CAMK1D: variants seen among roughly 807,000 people sequenced by gnomAD.
CAMK1D encodes calcium/calmodulin-dependent protein kinase type 1D.
CAMK1D carries 9 observed loss-of-function variants against 47.7 expected under a neutral mutation model. The ratio of observed to expected loss-of-function variants is 0.19; its 90% CI spans 0.11 to 0.33. The LOEUF (loss-of-function observed/expected upper bound fraction) is 0.33. CAMK1D is among the 10% of genes least tolerant of loss of function. The pLI, the probability that CAMK1D is intolerant of heterozygous loss-of-function variation, is 1.00. For missense variants in CAMK1D, 291 were observed against 488.7 expected, an observed-to-expected ratio of 0.60 and a Z score of 3.81; for synonymous variants, 184 against 184.9, an observed-to-expected ratio of 0.99 and a Z score of 0.04.
rs1181845465 is a variant in CAMK1D at position 12,717,891 on chromosome 10, C to CAA, written c.300-43042_300-43041dup. On this transcript the variant is annotated intron_variant, in intron 3 of 10. Transcript: ENST00000619168. ...CCTGGGCAACAGAGTGAGACCCTGTCAAAAAAAAAAAAAAAAGAAAAAAAA... is the reference window on the plus strand; with the variant it reads ...CCTGGGCAACAGAGTGAGACCCTGTCAAAAAAAAAAAAAAAAAAGAAAAAAAA... Among the ~76,000 whole-genome samples, 97 of 52,830 alleles carry CAA rather than the reference C, an allele frequency of 1.8e-3. 1 individual carries two copies. The highest frequency in any genetic ancestry group is 5.2e-3 in the African/African-American group (74 of 14,268). The allele number at this position is 52,830 out of a possible 152,430, so 34.7% of individuals were successfully genotyped here. A position where few individuals can be genotyped will look rare whatever the true frequency, so the allele number is the denominator to read the frequency against.
chr10:12,725,785 C>G (rs1834598467), intron 3 of CAMK1D, among the ~76,000 whole-genome samples: 1 of 152,126 alleles, frequency 6.6e-6, no homozygotes, highest in Admixed American at 6.6e-5. Context: ...GAGCTGGAGT[C>G]TCACTCTGTT....
chr10:12,499,265 G>T (rs901004103), intron 1 of CAMK1D, among the ~76,000 whole-genome samples: 1 of 152,034 alleles, frequency 6.6e-6, no homozygotes, highest in African/African-American at 2.4e-5. Flanking sequence ...AGGTCACTTA[G>T]TAACCTTAGT....
At chr10:12,546,243 T>TA (rs1018638488) in intron 1 of CAMK1D, among the ~76,000 whole-genome samples, 14 of 151,600 alleles carry the variant, frequency 9.2e-5, no homozygotes, top group African/African-American at 3.4e-4. Context: ...GAGTGGTGGA[T>TA]ATATTGCAGA....
intron 3 of CAMK1D, among the ~76,000 whole-genome samples, chr10:12,681,730 C>A (rs1832446921): frequency 6.6e-6 from 1 of 152,184 alleles, no homozygotes; most frequent in Non-Finnish European, 1.5e-5. Flanking sequence ...TATTTGTCAA[C>A]AAATACCCCA....
At chr10:12,389,219 C>T (rs937731660) in intron 1 of CAMK1D, among the ~76,000 whole-genome samples, 14 of 152,136 alleles carry the variant, frequency 9.2e-5, no homozygotes, top group African/African-American at 3.1e-4. Flanking sequence ...ACTGCTTAAA[C>T]TCCCTGCAGA....
At chr10:12,784,841 G>A (rs1837655287) in intron 5 of CAMK1D, among the ~76,000 whole-genome samples, 1 of 152,184 alleles carries the variant, frequency 6.6e-6, no homozygotes, top group Non-Finnish European at 1.5e-5. Context: ...GTGGCGACTA[G>A]GTTGGGTTCA....
intron 1 of CAMK1D, among the ~76,000 whole-genome samples, chr10:12,484,828 G>T (rs894583677): frequency 6.6e-6 from 1 of 151,984 alleles, no homozygotes; most frequent in African/African-American, 2.4e-5. Flanking sequence ...GTGACTCTGG[G>T]GGGGAGGGGG....
chr10:12,498,678 A>G (rs909262206), intron 1 of CAMK1D, among the ~76,000 whole-genome samples: 3 of 152,126 alleles, frequency 2.0e-5, no homozygotes, highest in Non-Finnish European at 2.9e-5. Flanking sequence ...TCTGGCTTCC[A>G]GAGGGAGTTG....
intron 3 of CAMK1D, among the ~76,000 whole-genome samples, chr10:12,752,428 T>C (rs1441703017): frequency 2.0e-5 from 3 of 152,188 alleles, no homozygotes; most frequent in African/African-American, 7.2e-5. Context: ...TGTGGAATTA[T>C]AGTCATTGGA....
intron 1 of CAMK1D, among the ~76,000 whole-genome samples, chr10:12,362,230 T>C (rs1170693999): frequency 6.6e-6 from 1 of 152,098 alleles, no homozygotes; most frequent in East Asian, 1.9e-4. Context: ...CCACTCCACC[T>C]ATGAAACACT....
chr10:12,787,732 T>C (rs10795979), intron 5 of CAMK1D, among the ~76,000 whole-genome samples: 143,786 of 152,280 alleles, frequency 0.94, 68,495 homozygotes, highest in East Asian at 1. Flanking sequence ...CCGGGCGCGG[T>C]GGCTCACGCC....
At chr10:12,396,439 C>G (rs1663997933) in intron 1 of CAMK1D, among the ~76,000 whole-genome samples, 1 of 152,200 alleles carries the variant, frequency 6.6e-6, no homozygotes. Context: ...TGGGTTCATT[C>G]TGGGCCCTCC....
chr10:12,445,072 A>G (rs796644953), intron 1 of CAMK1D, among the ~76,000 whole-genome samples: 12 of 152,340 alleles, frequency 7.9e-5, no homozygotes, highest in South Asian at 4.1e-4. Flanking sequence ...ATGATGCTAT[A>G]CTAGAGACAG....
At chr10:12,826,963 C>T (rs1199769306) in intron 10 of CAMK1D, among the ~76,000 whole-genome samples, 1 of 152,252 alleles carries the variant, frequency 6.6e-6, no homozygotes, top group Non-Finnish European at 1.5e-5. Context: ...CACCAACAAG[C>T]TCAGTGGCGG....
At chr10:12,504,602 C>T (rs185618152) in intron 1 of CAMK1D, among the ~76,000 whole-genome samples, 9 of 152,278 alleles carry the variant, frequency 5.9e-5, no homozygotes, top group South Asian at 2.1e-4. Flanking sequence ...CACCTAGAAA[C>T]GATGCTTTAC....
intron 1 of CAMK1D, among the ~76,000 whole-genome samples, chr10:12,490,828 AAT>A: frequency 6.6e-6 from 1 of 152,186 alleles, no homozygotes; most frequent in East Asian, 1.9e-4. Context: ...AGAAATGGCA[AAT>A]GTTTGCGCGT....
chr10:12,481,522 T>C (rs1035913049), intron 1 of CAMK1D, among the ~76,000 whole-genome samples: 1 of 152,124 alleles, frequency 6.6e-6, no homozygotes, highest in Non-Finnish European at 1.5e-5. Context: ...CTTCTCTTTT[T>C]TTTTTGAGAT....
At chr10:12,715,741 TA>T (rs1388280302) in intron 3 of CAMK1D, among the ~76,000 whole-genome samples, 8 of 148,674 alleles carry the variant, frequency 5.4e-5, no homozygotes, top group Admixed American at 1.3e-4. Flanking sequence ...TTTTTTTTTT[TA>T]GATGAAGTCT....
chr10:12,559,901 TC>T (rs1836882638), intron 2 of CAMK1D, among the ~76,000 whole-genome samples: 1 of 151,898 alleles, frequency 6.6e-6, no homozygotes, highest in African/African-American at 2.4e-5. Context: ...TGGGCTGGAG[TC>T]CCTGAAATCC....
Sources: gnomAD v4.1 joint callset for allele counts (sites outside exome capture counted in the v4.1 genomes callset) on GRCh38, gnomAD v4.1.1 for gene constraint, MANE v1.5 for transcripts, NCBI Gene and HGNC (gene_info 2026-07-23, HGNC 2026-07-21) for gene names.